Variants in SAMSN1 observed in about 807,000 individuals in gnomAD.
SAMSN1 encodes SAM domain, SH3 domain and nuclear localization signals 1.
SAMSN1 carries 31 observed loss-of-function variants against 42.0 expected under a neutral mutation model. That is an observed-to-expected ratio of 0.74 (90% confidence interval 0.55 to 1.00). The LOEUF (loss-of-function observed/expected upper bound fraction) is 1.00. SAMSN1 is among the 50% of genes least tolerant of loss of function. The pLI, the probability that SAMSN1 is intolerant of heterozygous loss-of-function variation, is 0.00. For missense variants in SAMSN1, 464 were observed against 439.4 expected, an observed-to-expected ratio of 1.06 and a Z score of -0.50; for synonymous variants, 178 against 151.9, an observed-to-expected ratio of 1.17 and a Z score of -1.26.
intron 1 of SAMSN1, among the ~76,000 whole-genome samples, chr21:14,537,411 A>G (rs1165746940): frequency 6.6e-6 from 1 of 151,962 alleles, no homozygotes; most frequent in Non-Finnish European, 1.5e-5. Flanking sequence ...ATTATCTAGC[A>G]TACTGTATAT....
chr21:14,572,639 T>C (rs1308027818), intron 2 of SAMSN1, among the ~76,000 whole-genome samples: 1 of 152,184 alleles, frequency 6.6e-6, no homozygotes, highest in Non-Finnish European at 1.5e-5. Context: ...GCCTAATTCA[T>C]AGAGCTAGTA....
chr21:14,524,554 A>G (rs1978713298), intron 1 of SAMSN1, among the ~76,000 whole-genome samples: 1 of 152,200 alleles, frequency 6.6e-6, no homozygotes, highest in Non-Finnish European at 1.5e-5. Context: ...GAAATTTGGC[A>G]ATATCTAGCA....
chr21:14,530,316 C>CAAAAAAAAAAAAAA (rs71183428), intron 1 of SAMSN1, among the ~76,000 whole-genome samples: 2 of 75,756 alleles, frequency 2.6e-5, no homozygotes, highest in Non-Finnish European at 4.8e-5. Flanking sequence ...GACTCCGTCT[C>CAAAAAAAAAAAAAA]AAAAAAAAAA....
chr21:14,578,658 G>A (rs146143620), intron 2 of SAMSN1, among the ~76,000 whole-genome samples: 2 of 139,356 alleles, frequency 1.4e-5, no homozygotes, highest in Non-Finnish European at 3.0e-5. Flanking sequence ...ACTCCAGCCT[G>A]GGCGACAGGG....
At chr21:14,626,607 C>T (rs945061342) in intron 2 of SAMSN1, among the ~76,000 whole-genome samples, 9 of 152,104 alleles carry the variant, frequency 5.9e-5, no homozygotes, top group Non-Finnish European at 1.3e-4. Context: ...GAATGGTGAT[C>T]ATTAAAAAGT....
Position 14,485,991 on chromosome 21 carries a change from T to C in SAMSN1, c.1043A>G (p.Asp348Gly), listed in dbSNP as rs1723817740. ...AGACTCCAGATCCTCTTTGCCATTA[T>C]CTGAATTTCCTGATGAGATATAGCA... is the stretch of plus-strand genomic sequence containing the variant. ...SGCYISSGNS[D>G]NGKEDLESEN... is the part of the protein sequence containing the mutation. The change falls in exon 8 of 8, where the codon GAT (aspartate) becomes GGT (glycine). Residue 348 changes from aspartate (D) to glycine (G), a missense_variant. Coordinates refer to ENST00000400566, the MANE Select transcript of SAMSN1 (RefSeq NM_022136.5). The C allele has an allele frequency of 1.9e-6, 3 of 1,613,758 alleles. No homozygotes were observed. Among genetic ancestry groups the C allele is most frequent in the Non-Finnish European group, 2.5e-6 (3 of 1,179,714 alleles).
intron 2 of SAMSN1, among the ~76,000 whole-genome samples, chr21:14,633,786 C>G (rs1467002156): frequency 2.6e-5 from 4 of 152,178 alleles, no homozygotes; most frequent in African/African-American, 9.7e-5. Flanking sequence ...TGGATGCTGC[C>G]TTTGGCTATG....
intron 3 of SAMSN1, among the ~76,000 whole-genome samples, chr21:14,613,636 T>A (rs1351787020): frequency 6.6e-6 from 1 of 152,194 alleles, no homozygotes; most frequent in Non-Finnish European, 1.5e-5. Context: ...TTTCATTTTT[T>A]AATGCAAAAT....
rs143803776 is a variant in SAMSN1 at position 14,619,800 on chromosome 21, C to T, written c.157-3784G>A. ...AGAAAAGTGTATTTTTTTTAATTGC[C>T]GTGTAGAAATATGATTGGAAGACAA... On this transcript the variant is annotated intron_variant, in intron 2 of 15. Coordinates refer to the SAMSN1 transcript ENST00000647101. The T allele has an allele frequency of 1.4e-3, 248 of 182,604 alleles. 2 individuals carry two copies. Among genetic ancestry groups the T allele is most frequent in the South Asian group, 8.1e-3 (74 of 9,102 alleles). 11.3% of individuals were successfully genotyped at this position (182,604 alleles called of 1,614,324 possible).
intron 2 of SAMSN1, among the ~76,000 whole-genome samples, chr21:14,636,425 CA>C (rs967158339): frequency 2.0e-5 from 3 of 152,004 alleles, no homozygotes; most frequent in African/African-American, 7.2e-5. Flanking sequence ...GCAGAGAGAC[CA>C]AAAAACAGGA....
At chr21:14,612,213 A>T (rs1049597057) in intron 4 of SAMSN1, among the ~76,000 whole-genome samples, 2 of 152,214 alleles carry the variant, frequency 1.3e-5, no homozygotes, top group Non-Finnish European at 2.9e-5. Context: ...CAGCCCGGCA[A>T]CAGAGTGAGA....
chr21:14,533,305 T>A (rs1314927537), intron 1 of SAMSN1, among the ~76,000 whole-genome samples: 1 of 152,204 alleles, frequency 6.6e-6, no homozygotes, highest in Non-Finnish European at 1.5e-5. Flanking sequence ...TCCAATTTGC[T>A]CTTTTTAACC....
intron 3 of SAMSN1, among the ~76,000 whole-genome samples, chr21:14,516,429 G>GT (rs1271991260): frequency 6.6e-6 from 1 of 151,882 alleles, no homozygotes; most frequent in East Asian, 1.9e-4. Context: ...ATCTTGCTCT[G>GT]TTGCCAGGCT....
chr21:14,550,055 G>T (rs9974685), upstream of SAMSN1, among the ~76,000 whole-genome samples: 371 of 152,178 alleles, frequency 2.4e-3, no homozygotes, highest in African/African-American at 8.5e-3. Flanking sequence ...AGGGGCCTTG[G>T]TGTTGTACCC....
chr21:14,593,479 G>A (rs1269257568), intron 7 of SAMSN1, among the ~76,000 whole-genome samples: 1 of 152,040 alleles, frequency 6.6e-6, no homozygotes, highest in Non-Finnish European at 1.5e-5. Flanking sequence ...TCTCAACAAG[G>A]AAAGGAAGGC....
At chr21:14,514,881 T>A (rs144377911) in intron 3 of SAMSN1, among the ~76,000 whole-genome samples, 14 of 151,634 alleles carry the variant, frequency 9.2e-5, no homozygotes, top group African/African-American at 3.4e-4. Flanking sequence ...AGTGAAGAGG[T>A]CATAGCTAGA....
chr21:14,577,253 T>A lies in SAMSN1; in HGVS notation c.261+4883A>T, dbSNP rs867804881. On this transcript the variant is annotated intron_variant, in intron 2 of 8. Coordinates refer to the SAMSN1 transcript ENST00000285670. ...ATATATGTGTGTATATATATATATATATATATATATATATATATATATATA... is the reference window on the plus strand; with the variant it reads ...ATATATGTGTGTATATATATATATAAATATATATATATATATATATATATA... Among the ~76,000 whole-genome samples, 110 of 37,354 alleles carry A rather than the reference T, an allele frequency of 2.9e-3. 1 individual carries two copies. The highest frequency in any genetic ancestry group is 4.4e-3 in the Non-Finnish European group (94 of 21,170). The allele number at this position is 37,354 out of a possible 152,430, so 24.5% of individuals were successfully genotyped here.
At chr21:14,540,186 A>G (rs569495625) in intron 1 of SAMSN1, among the ~76,000 whole-genome samples, 1 of 152,346 alleles carries the variant, frequency 6.6e-6, no homozygotes, top group East Asian at 1.9e-4. Flanking sequence ...AACCATAAAA[A>G]TCCTAGAAGA....
intron 3 of SAMSN1, among the ~76,000 whole-genome samples, chr21:14,615,236 T>C (rs2123331335): frequency 6.6e-6 from 1 of 152,216 alleles, no homozygotes; most frequent in South Asian, 2.1e-4. Context: ...GTCCCTAAGC[T>C]GTTAATCACC....
Sources: allele counts gnomAD v4.1 joint callset (sites outside exome capture counted in the v4.1 genomes callset), GRCh38; gene constraint gnomAD v4.1.1; transcripts MANE v1.5; gene names NCBI Gene and HGNC (gene_info 2026-07-23, HGNC 2026-07-21).